SIM2: variants seen among roughly 807,000 people sequenced by gnomAD.
The protein encoded by SIM2 is SIM bHLH transcription factor 2.
A neutral mutation model predicts 64.8 loss-of-function variants in SIM2; 28 were observed. The observed-to-expected ratio is 0.43, with a 90% CI of 0.32 to 0.59. The LOEUF (loss-of-function observed/expected upper bound fraction) is 0.59, where lower values mean the gene tolerates loss of function less well. Ranked by LOEUF, SIM2 falls within the 20% of genes least tolerant of loss-of-function variation. The pLI, the probability that SIM2 is intolerant of heterozygous loss-of-function variation, is 0.07. For synonymous variants in SIM2, 408 were observed against 391.1 expected (o/e 1.04, Z -0.51); for missense variants, 847 against 871.4 (o/e 0.97, Z 0.35).
At position 36,704,829 on chromosome 21, in the gene SIM2, GCGTCCCCA is replaced by G. The variant is rs1874144796; in HGVS notation, c.176-4336_176-4329del. On this transcript the variant is annotated intron_variant, in intron 1 of 10. Coordinates refer to ENST00000290399, the MANE Select transcript of SIM2 (RefSeq NM_005069.6). ...ATCGGCCGCGGGAGGCTTTCTTGGG[GCGTCCCCA>G]CGACCACCCCCTTCTCACCCGGTCC... Among the ~76,000 whole-genome samples the G allele has an allele frequency of 2.0e-5, 3 of 152,216 alleles. 1 individual carries two copies. Among genetic ancestry groups the G allele is most frequent in the East Asian group, 3.8e-4 (2 of 5,196 alleles).
chr21:36,712,522 A>G lies in SIM2; in HGVS notation c.259-11A>G. On this transcript the variant is annotated splice_polypyrimidine_tract_variant and intron_variant, in intron 2 of 10. Transcript: ENST00000290399. The stretch of plus-strand genomic sequence containing the variant: ...TGATCATCTCTTATTCTGACACTTT[A>G]TCTTTTACAGACTTTGGATGGATTT... The G allele has an allele frequency of 6.3e-7, 1 of 1,583,490 alleles. No homozygotes were observed. Among genetic ancestry groups the G allele is most frequent in the Non-Finnish European group, 8.7e-7 (1 of 1,152,510 alleles).
rs2088465402 is a variant in SIM2 at position 36,699,975 on chromosome 21, C to A, written c.175+54C>A. ...GCTGGGGAGCCCGGCGGCCCCGGCC[C>A]AGGCGGGAAGCGCAAGCCAGCCCGC... On this transcript the variant is annotated intron_variant, in intron 1 of 10. Coordinates refer to ENST00000290399, the MANE Select transcript of SIM2 (RefSeq NM_005069.6). The surrounding 1 kb of genome is among the most constrained non-coding windows in gnomAD (Gnocchi z 5.6). 6.6e-7 allele frequency: 1 copy of A among 1,512,868 alleles called. No homozygotes were observed. The highest frequency in any genetic ancestry group is 8.8e-7 in the Non-Finnish European group (1 of 1,134,032). The allele number at this position is 1,512,868 out of a possible 1,614,324, so 93.7% of individuals were successfully genotyped here. A position where few individuals can be genotyped will look rare whatever the true frequency, so the allele number is the denominator to read the frequency against.
At chr21:36,712,444 C>A in intron 2 of SIM2, 89 bp from the exon 3 acceptor site, 1 of 854,418 alleles carries the variant, frequency 1.2e-6, no homozygotes, top group South Asian at 1.6e-5. Context: ...ATATTTGATG[C>A]ATCCCTCCAT....
At chr21:36,716,002 T>C (rs2088741794) in intron 3 of SIM2, among the ~76,000 whole-genome samples, 1 of 152,218 alleles carries the variant, frequency 6.6e-6, no homozygotes, top group Non-Finnish European at 1.5e-5. Flanking sequence ...AGTTGTCTCC[T>C]CAGCCCAGGG....
chr21:36,743,516 G>A lies in SIM2; in HGVS notation c.1128G>A (p.Lys376=). 6.2e-7 allele frequency: 1 copy of A among 1,614,070 alleles called. No homozygotes were observed. ...TRKLVKPKNT[K]MKTKLRTNPY... is the part of the protein sequence containing the mutation. Reference sequence around the variant, plus strand: ...AATTAGTGAAACCCAAAAATACCAAGATGAAGACAAAGCTGAGAACAAACC... The same window carrying A: ...AATTAGTGAAACCCAAAAATACCAAAATGAAGACAAAGCTGAGAACAAACC... The change falls in exon 9 of 11, where the codon AAG becomes AAA. Residue 376 remains lysine (K), a synonymous_variant. Coordinates refer to ENST00000290399, the MANE Select transcript of SIM2 (RefSeq NM_005069.6).
chr21:36,703,937 G>A (rs535304547), intron 1 of SIM2, among the ~76,000 whole-genome samples: 3 of 152,370 alleles, frequency 2.0e-5, no homozygotes, highest in East Asian at 3.9e-4. Context: ...CAGTGCCACT[G>A]CAAACCTGGC....
intron 7 of SIM2, among the ~76,000 whole-genome samples, chr21:36,734,887 C>T (rs1446964152): frequency 1.3e-5 from 2 of 152,174 alleles, no homozygotes; most frequent in Admixed American, 6.5e-5. Context: ...CCTGCCTCTC[C>T]ATCCCCAGGG....
chr21:36,703,129 G>A (rs1428588322), intron 1 of SIM2, among the ~76,000 whole-genome samples: 2 of 152,134 alleles, frequency 1.3e-5, no homozygotes, highest in Admixed American at 6.5e-5. Flanking sequence ...CTGCACCCAG[G>A]AGGCTGCCAG....
At chr21:36,709,413 G>A (rs2123427535) in intron 2 of SIM2, 163 bp downstream of exon 2, 2 of 718,520 alleles carry the variant, frequency 2.8e-6, no homozygotes, top group East Asian at 2.7e-5. Context: ...TGGACGCTTA[G>A]CATGTCGGAT....
rs1367873545 is a variant in SIM2, at chr21:36,749,557, T to C, written c.*1465T>C. ...ATGGTAAGAGTCACAATTTGCAAATTTAGGACCGTGGGTCATGCAGCGAAG... is the reference window on the plus strand; with the variant it reads ...ATGGTAAGAGTCACAATTTGCAAATCTAGGACCGTGGGTCATGCAGCGAAG... On this transcript the variant is annotated 3_prime_UTR_variant, in exon 11 of 11. Coordinates refer to ENST00000290399, the MANE Select transcript of SIM2 (RefSeq NM_005069.6). 6.6e-6 allele frequency: 1 copy of C among 152,058 alleles called. No homozygotes were observed. Among genetic ancestry groups the C allele is most frequent in the Non-Finnish European group, 1.5e-5 (1 of 68,028 alleles). 9.4% of individuals were successfully genotyped at this position (152,058 alleles called of 1,614,324 possible). A position where few individuals can be genotyped will look rare whatever the true frequency, so the allele number is the denominator to read the frequency against.
At position 36,744,856 on chromosome 21, in the gene SIM2, C is replaced by T; in HGVS notation, c.1296C>T (p.Tyr432=). The T allele has an allele frequency of 6.2e-7, 1 of 1,614,266 alleles. No homozygotes were observed. Among genetic ancestry groups the T allele is most frequent in the Non-Finnish European group, 8.5e-7 (1 of 1,180,046 alleles). ...ACTCAGAAAGCAGTGACCTTCTGTA[C>T]ACGCCATCCTACAGCCTGCCCTTCT... ...QPHSESSDLL[Y]TPSYSLPFSY... The change falls in exon 10 of 11, where the codon TAC becomes TAT. Residue 432 remains tyrosine, a synonymous_variant. Transcript: ENST00000290399.
rs201642433 is a variant in SIM2, at chr21:36,723,031, G to C, written c.458-14G>C. ...GAGGGACAGCTGCCAACCTCATCTT[G>C]CTCCTGCTTGCAGAGTATGAGATAG... On this transcript the variant is annotated splice_polypyrimidine_tract_variant and intron_variant, in intron 4 of 10. Transcript: ENST00000290399. 36 of 1,610,964 alleles carry C rather than the reference G, an allele frequency of 2.2e-5. No homozygotes were observed. Among genetic ancestry groups the C allele is most frequent in the Non-Finnish European group, 3.1e-5 (36 of 1,177,250 alleles).
chr21:36,731,164 C>G lies in SIM2; in HGVS notation c.850+13C>G. On this transcript the variant is annotated intron_variant, in intron 7 of 10. Coordinates refer to ENST00000290399, the MANE Select transcript of SIM2 (RefSeq NM_005069.6). Reference sequence around the variant, plus strand: ...GCACACCACCTCCGTGAGTAGCACGCCCACCCCAGCCACGGGAGGTAGCTG... The same window carrying G: ...GCACACCACCTCCGTGAGTAGCACGGCCACCCCAGCCACGGGAGGTAGCTG... 6.2e-7 allele frequency: 1 copy of G among 1,602,862 alleles called. No individual in the cohort carries two copies. Among genetic ancestry groups the G allele is most frequent in the Non-Finnish European group, 8.5e-7 (1 of 1,170,646 alleles).
At chr21:36,719,350 C>T (rs539108789) in intron 3 of SIM2, among the ~76,000 whole-genome samples, 15 of 152,378 alleles carry the variant, frequency 9.8e-5, no homozygotes, top group East Asian at 9.7e-4. Flanking sequence ...GACGGCTGGT[C>T]GGCCTCGGAG....
At position 36,726,126 on chromosome 21, in the gene SIM2, A is replaced by G; in HGVS notation, c.551A>G (p.His184Arg). The G allele has an allele frequency of 6.2e-7, 1 of 1,613,432 alleles. No individual in the cohort carries two copies. Among genetic ancestry groups the G allele is most frequent in the Non-Finnish European group, 8.5e-7 (1 of 1,179,878 alleles). The change falls in exon 6 of 11, where the codon CAC becomes CGC. Residue 184 changes from histidine (H) to arginine (R), a missense_variant. Coordinates refer to ENST00000290399, the MANE Select transcript of SIM2 (RefSeq NM_005069.6). The surrounding 1 kb of genome is among the most constrained non-coding windows in gnomAD (Gnocchi z 4.5). ...TGCCCTCTCCACTCCCAGGTCATCC[A>G]CTGCAGTGGCTACTTGAAGATCAGG... ...GLTCSGYKVIHCSGYLKIRQY... is the reference protein window; with the variant it reads ...GLTCSGYKVIRCSGYLKIRQY...
chr21:36,742,677 T>C (rs377617310), intron 8 of SIM2, among the ~76,000 whole-genome samples: 2 of 152,280 alleles, frequency 1.3e-5, no homozygotes, highest in South Asian at 2.1e-4. Context: ...CTGTGACCCT[T>C]GCCATGCCGC....
At chr21:36,704,657 C>A (rs1295548098) in intron 1 of SIM2, among the ~76,000 whole-genome samples, 8 of 152,182 alleles carry the variant, frequency 5.3e-5, no homozygotes, top group Non-Finnish European at 1.0e-4. Flanking sequence ...CTCCTCGGAG[C>A]CAGCAGCTGC....
rs190976673 is a variant in SIM2, at chr21:36,747,056, A to T, written c.1577-609A>T. ...AAACAAACAAACAAAGACAAAAAAA[A>T]CCCACAAGCCAGGGAGCTACTTAAT... On this transcript the variant is annotated intron_variant, in intron 10 of 10. Coordinates refer to ENST00000290399, the MANE Select transcript of SIM2 (RefSeq NM_005069.6). The surrounding 1 kb of genome is among the most constrained non-coding windows in gnomAD (Gnocchi z 4.5). Among the ~76,000 whole-genome samples the T allele has an allele frequency of 6.6e-6, 1 of 152,046 alleles. No individual in the cohort carries two copies. The highest frequency in any genetic ancestry group is 1.9e-4 in the East Asian group (1 of 5,182).
intron 4 of SIM2, among the ~76,000 whole-genome samples, chr21:36,721,530 C>G (rs1434954842): frequency 6.7e-6 from 1 of 150,342 alleles, no homozygotes; most frequent in Non-Finnish European, 1.5e-5. Context: ...ACCTCCACCA[C>G]CTGGGTTCAA....
Sources: allele counts gnomAD v4.1 joint callset (sites outside exome capture counted in the v4.1 genomes callset), GRCh38; gene constraint gnomAD v4.1.1; non-coding constraint Gnocchi (gnomAD v3.1); transcripts MANE v1.5; gene names NCBI Gene and HGNC (gene_info 2026-07-23, HGNC 2026-07-21).